The following CHAT variants were observed in gnomAD, a reference collection of about 807,000 sequenced individuals.
CHAT encodes the protein acetyl CoA:choline O-acetyltransferase.
In CHAT, 61 loss-of-function variants were observed where a neutral mutation model predicts 76.9. The ratio of observed to expected loss-of-function variants is 0.79; its 90% CI spans 0.65 to 0.98. The LOEUF is 0.98. CHAT is among the 50% of genes least tolerant of loss of function. The pLI, the probability that CHAT is intolerant of heterozygous loss-of-function variation, is 0.00. For synonymous variants in CHAT, 407 were observed against 397.4 expected (o/e 1.02, Z -0.29); for missense variants, 946 against 986.9 (o/e 0.96, Z 0.56).
At chr10:49,613,995 C>G, upstream of CHAT, 1 of 1,031,354 alleles carries the variant, frequency 9.7e-7, no homozygotes, top group Non-Finnish European at 1.4e-6. Flanking sequence ...CAGCAGCACC[C>G]CAAGGCTGGA....
At chr10:49,651,730 T>G (rs1196974135) in intron 10 of CHAT, 154 bp from the exon 11 acceptor site, 1 of 709,000 alleles carries the variant, frequency 1.4e-6, no homozygotes, top group Non-Finnish European at 2.3e-6. Context: ...AAGGCATGTC[T>G]CTGACACCTC....
chr10:49,615,767 C>T, intron 1 of CHAT: 2 of 527,538 alleles, frequency 3.8e-6, no homozygotes, highest in Non-Finnish European at 6.7e-6. Context: ...CTGCCTCTCC[C>T]CAGACTAAGG....
In CHAT at chr10:49,664,914, C is replaced by A; in HGVS notation, c.2115C>A (p.Ser705Arg). Reference protein sequence around the residue: ...SFHSCKETSSSKFAKAVEESL... With the variant: ...SFHSCKETSSRKFAKAVEESL... ...ACAGCTGCAAAGAGACTTCTTCTAG[C>A]AAGTTTGCAAAAGCTGTGGAAGAAA... The change falls in exon 15 of 15, where the codon AGC becomes AGA. Residue 705 changes from serine to arginine, a missense_variant. Coordinates refer to ENST00000337653, the MANE Select transcript of CHAT (RefSeq NM_020549.5). 6.2e-7 allele frequency: 1 copy of A among 1,614,238 alleles called. No individual in the cohort carries two copies. Among genetic ancestry groups the A allele is most frequent in the Non-Finnish European group, 8.5e-7 (1 of 1,180,046 alleles).
chr10:49,626,214 C>A (rs1838916148), intron 6 of CHAT, among the ~76,000 whole-genome samples: 1 of 152,138 alleles, frequency 6.6e-6, no homozygotes, highest in Non-Finnish European at 1.5e-5. Flanking sequence ...CATGCTCTAC[C>A]CCCTGCAGCT....
In CHAT at chr10:49,649,822, T is replaced by C. The variant is rs114523735; in HGVS notation, c.1511+186T>C. Among the ~76,000 whole-genome samples the C allele has an allele frequency of 7.8e-3, 1,183 of 150,972 alleles. 12 individuals are homozygous for C. The highest frequency in any genetic ancestry group is 0.028 in the African/African-American group (1,128 of 40,994). ...GAGATACAACTCTGGGGAAATAACCTTGCTGAAGTATCCATCATTTCTCTA... is the reference window on the plus strand; with the variant it reads ...GAGATACAACTCTGGGGAAATAACCCTGCTGAAGTATCCATCATTTCTCTA... On this transcript the variant is annotated intron_variant, in intron 10 of 14. Transcript: ENST00000337653.
chr10:49,630,056 A>G (rs559733811), intron 7 of CHAT, among the ~76,000 whole-genome samples: 1 of 152,198 alleles, frequency 6.6e-6, no homozygotes, highest in African/African-American at 2.4e-5. Flanking sequence ...TGGGTACAGG[A>G]TGGAGAAATC....
chr10:49,611,354 C>T (rs1007821771), upstream of CHAT: 7 of 1,600,662 alleles, frequency 4.4e-6, no homozygotes, highest in Non-Finnish European at 4.2e-6. Flanking sequence ...GATAAGTACC[C>T]GGAGGAGCCG....
intron 7 of CHAT, among the ~76,000 whole-genome samples, chr10:49,640,163 A>G (rs1210550745): frequency 2.0e-5 from 3 of 151,478 alleles, no homozygotes; most frequent in African/African-American, 7.3e-5. Context: ...TATTTATTTT[A>G]TTTTAATTTT....
intron 7 of CHAT, chr10:49,637,603 G>A (rs1039024192): frequency 3.3e-5 from 5 of 152,676 alleles, no homozygotes; most frequent in African/African-American, 1.2e-4. Flanking sequence ...CTTCCCCTTC[G>A]CGTTCTGCCA....
At chr10:49,635,743 A>G (rs1463618715) in intron 7 of CHAT, among the ~76,000 whole-genome samples, 2 of 152,174 alleles carry the variant, frequency 1.3e-5, no homozygotes, top group African/African-American at 4.8e-5. Context: ...TCATGATAAA[A>G]TCTCTTAGAG....
chr10:49,639,521 T>A (rs1463214278), intron 7 of CHAT, among the ~76,000 whole-genome samples: 1 of 129,154 alleles, frequency 7.7e-6, no homozygotes, highest in African/African-American at 2.9e-5. Context: ...TCCTATAGAA[T>A]ATATATATAG....
intron 7 of CHAT, chr10:49,637,448 G>C (rs1839332276): frequency 6.6e-6 from 1 of 152,184 alleles, no homozygotes; most frequent in African/African-American, 2.4e-5. Context: ...GACCCGGTGA[G>C]AGGTGATTGG....
upstream of CHAT, chr10:49,612,317 A>G (rs868334727): frequency 6.3e-7 from 1 of 1,598,630 alleles, no homozygotes; most frequent in Middle Eastern, 1.7e-4. Context: ...GACGACTACA[A>G]CTACTACTAC....
chr10:49,658,430 A>T (rs896583438), intron 13 of CHAT, among the ~76,000 whole-genome samples: 2 of 152,256 alleles, frequency 1.3e-5, no homozygotes, highest in Non-Finnish European at 2.9e-5. Flanking sequence ...AGGCAGGAGA[A>T]TAGCTTGAAC....
chr10:49,641,326 T>A (rs1342281156), intron 7 of CHAT, among the ~76,000 whole-genome samples: 1 of 152,188 alleles, frequency 6.6e-6, no homozygotes. Flanking sequence ...GGTCCTGAGG[T>A]CCCTGGCTGG....
intron 13 of CHAT, among the ~76,000 whole-genome samples, chr10:49,656,041 CTCA>C (rs1388404616): frequency 6.6e-6 from 1 of 152,216 alleles, no homozygotes; most frequent in East Asian, 1.9e-4. Flanking sequence ...ACTTGGGCGG[CTCA>C]TCAATACCTG....
At chr10:49,633,345 C>A (rs1470983125) in intron 7 of CHAT, among the ~76,000 whole-genome samples, 1 of 152,210 alleles carries the variant, frequency 6.6e-6, no homozygotes, top group Non-Finnish European at 1.5e-5. Flanking sequence ...CCAGGTCCCC[C>A]TCTGGCTTGC....
intron 8 of CHAT, chr10:49,647,797 TTCCTTCCTTCC>T (rs1839727661): frequency 1.7e-5 from 1 of 59,130 alleles, no homozygotes; most frequent in African/African-American, 4.3e-5. Flanking sequence ...CCTTCCTTCC[TTCCTTCCTTCC>T]TTTTAGTGAC....
chr10:49,611,012 G>A, upstream of CHAT: 1 of 1,613,714 alleles, frequency 6.2e-7, no homozygotes, highest in Non-Finnish European at 8.5e-7. Flanking sequence ...GCCAATGCCA[G>A]CGCCTACACG....
Sources: allele counts gnomAD v4.1 joint callset (sites outside exome capture counted in the v4.1 genomes callset), GRCh38; gene constraint gnomAD v4.1.1; transcripts MANE v1.5; gene names NCBI Gene and HGNC (gene_info 2026-07-23, HGNC 2026-07-21).